Variants in DGKB observed in about 807,000 individuals in gnomAD.
DGKB encodes the protein diacylglycerol kinase beta, also known as 90 kDa diacylglycerol kinase.
Under a neutral mutation model 114.3 loss-of-function variants are expected in DGKB, and 67 were observed. The ratio of observed to expected loss-of-function variants is 0.59; its 90% CI spans 0.48 to 0.72. The LOEUF is 0.72. Among genes scored for constraint, DGKB ranks in the 30% least tolerant of loss-of-function variants. The pLI, the probability that DGKB is intolerant of heterozygous loss-of-function variation, is 0.00. For missense variants in DGKB, 907 were observed against 975.2 expected, an observed-to-expected ratio of 0.93 and a Z score of 0.93; for synonymous variants, 398 against 323.1, an observed-to-expected ratio of 1.23 and a Z score of -2.49.
chr7:14,325,975 A>T (rs1808636154), intron 23 of DGKB, among the ~76,000 whole-genome samples: 1 of 152,158 alleles, frequency 6.6e-6, no homozygotes, highest in Non-Finnish European at 1.5e-5. Flanking sequence ...AGCTGTAAAA[A>T]TCACACAAGG....
At chr7:14,170,145 A>AAAAAAAAGAAAG (rs1369239302) in intron 25 of DGKB, among the ~76,000 whole-genome samples, 16 of 99,996 alleles carry the variant, frequency 1.6e-4, no homozygotes, top group Middle Eastern at 5.5e-3. Context: ...AAAAAAAAAA[A>AAAAAAAAGAAAG]AAAGAAAGAA....
chr7:14,746,027 T>G lies in DGKB; in HGVS notation c.168+7901A>C, dbSNP rs539967889. On this transcript the variant is annotated intron_variant, in intron 4 of 25. Transcript: ENST00000402815. ...TTTTCTGACAGCTCTAAGCCTTAAT[T>G]CCCTCTATATAAAGTGGTATATGAA... Among the ~76,000 whole-genome samples the G allele has an allele frequency of 5.3e-5, 8 of 152,306 alleles. No homozygotes were observed. The East Asian group carries it at 1.5e-3, about 29-fold the overall frequency.
chr7:14,635,568 A>G (rs2128861246), intron 13 of DGKB, among the ~76,000 whole-genome samples: 1 of 151,754 alleles, frequency 6.6e-6, no homozygotes, highest in Non-Finnish European at 1.5e-5. Context: ...TAGAGCACCC[A>G]TCTTCAAAAC....
At chr7:14,908,084 A>C (rs1009264625), upstream of DGKB, among the ~76,000 whole-genome samples, 13 of 152,224 alleles carry the variant, frequency 8.5e-5, no homozygotes, top group African/African-American at 3.1e-4. Context: ...ATGTGGAGTA[A>C]ACTATAATTG....
intron 2 of DGKB, among the ~76,000 whole-genome samples, chr7:14,807,986 A>G (rs1842970232): frequency 6.6e-6 from 1 of 152,030 alleles, no homozygotes; most frequent in South Asian, 2.1e-4. Context: ...CTAGGAATAG[A>G]GATGTTCTCT....
rs753970708 is a variant in DGKB, at chr7:14,574,322, T to C, written c.1660A>G (p.Thr554Ala). Reference sequence around the variant, plus strand: ...TTCCACCTGTCCAACATGATTTCTGTGCTGTTTTCAATGTCTTTTAGAATT... The same window carrying C: ...TTCCACCTGTCCAACATGATTTCTGCGCTGTTTTCAATGTCTTTTAGAATT... ...MKILKDIENS[T>A]EIMLDRWKFE... is the part of the protein sequence containing the mutation. The change falls in exon 20 of 26, where the codon ACA becomes GCA. Residue 554 changes from threonine to alanine, a missense_variant. By Grantham distance (58) the Thr-to-Ala change is moderately conservative (BLOSUM62 0). Transcript: ENST00000402815. 3.7e-6 allele frequency: 6 copies of C among 1,613,428 alleles called. No homozygotes were observed. In the South Asian group the frequency reaches 4.4e-5, roughly 12 times the overall value.
chr7:14,703,812 T>A (rs1825649746), intron 6 of DGKB, among the ~76,000 whole-genome samples: 1 of 152,190 alleles, frequency 6.6e-6, no homozygotes, highest in Non-Finnish European at 1.5e-5. Flanking sequence ...AAATATCGCT[T>A]AAAAATAATA....
intron 23 of DGKB, among the ~76,000 whole-genome samples, chr7:14,188,593 G>C (rs1188213088): frequency 8.5e-6 from 1 of 117,954 alleles, no homozygotes; most frequent in African/African-American, 3.1e-5. Flanking sequence ...CCGGGAGGCG[G>C]AGCTTGCAGT....
intron 21 of DGKB, among the ~76,000 whole-genome samples, chr7:14,404,018 G>GAA (rs1823552605): frequency 6.6e-6 from 1 of 151,746 alleles, no homozygotes; most frequent in African/African-American, 2.4e-5. Context: ...GTTCTTTGAG[G>GAA]AAAGTAGTCT....
chr7:14,231,082 C>CGTTT (rs1791668832), intron 23 of DGKB, among the ~76,000 whole-genome samples: 1 of 121,764 alleles, frequency 8.2e-6, no homozygotes, highest in Non-Finnish European at 1.8e-5. Context: ...TTCTTCTTTC[C>CGTTT]CTTTCTTTCT....
In DGKB at chr7:14,149,141, C is replaced by T; in HGVS notation, c.2402G>A (p.Ser801Asn). Residue 801 changes from serine (S) to asparagine (N), a missense_variant, in exon 26 of 26, where the codon AGC becomes AAC. Physicochemically the swap from Ser to Asn is conservative, Grantham distance 46 (BLOSUM62 1). This residue lies in a region of DGKB where 58 missense variants were observed against 52.5 expected (regional missense o/e 1.10). Transcript: ENST00000402815. ...CSLVKRTRNR[S>N]KE is the part of the protein sequence containing the mutation. ...TGAAACAACACAGGATTATTCCTTG[C>T]TTCGGTTTCTTGTCCTTTTGACGAG... 1 of 1,613,288 alleles carries T rather than the reference C, an allele frequency of 6.2e-7. No individual in the cohort carries two copies. Among genetic ancestry groups the T allele is most frequent in the Non-Finnish European group, 8.5e-7 (1 of 1,179,354 alleles).
At chr7:14,715,708 T>C (rs191026557) in intron 6 of DGKB, among the ~76,000 whole-genome samples, 83 of 152,292 alleles carry the variant, frequency 5.5e-4, no homozygotes, top group Non-Finnish European at 8.8e-4. Context: ...TGCTAGATAC[T>C]GGGAAACTGT....
chr7:14,610,407 G>GA (rs1563670816), intron 16 of DGKB, among the ~76,000 whole-genome samples: 1 of 151,912 alleles, frequency 6.6e-6, no homozygotes, highest in Non-Finnish European at 1.5e-5. Flanking sequence ...AGGAAGATAT[G>GA]AAAAAAACTA....
chr7:14,187,423 T>G (rs1783606205), intron 23 of DGKB, among the ~76,000 whole-genome samples: 1 of 152,186 alleles, frequency 6.6e-6, no homozygotes, highest in African/African-American at 2.4e-5. Context: ...ATTGCAGGAA[T>G]GCCTGGCACC....
At chr7:14,878,879 G>C (rs933482087) in intron 1 of DGKB, among the ~76,000 whole-genome samples, 5 of 148,256 alleles carry the variant, frequency 3.4e-5, no homozygotes, top group African/African-American at 1.3e-4. Context: ...TGCAAATCTT[G>C]CATATGTTTT....
intron 10 of DGKB, among the ~76,000 whole-genome samples, chr7:14,684,593 G>A (rs1004144839): frequency 5.9e-5 from 9 of 152,028 alleles, no homozygotes; most frequent in Admixed American, 1.3e-4. Flanking sequence ...CATTCTAATT[G>A]GCAGACCTGA....
chr7:14,662,835 A>G (rs995292496), intron 13 of DGKB, among the ~76,000 whole-genome samples: 1 of 151,888 alleles, frequency 6.6e-6, no homozygotes, highest in African/African-American at 2.4e-5. Context: ...TAACTGTATC[A>G]CAGGTTTTTA....
chr7:14,169,737 T>TG (rs1562521155), intron 25 of DGKB, among the ~76,000 whole-genome samples: 1 of 152,092 alleles, frequency 6.6e-6, no homozygotes, highest in Non-Finnish European at 1.5e-5. Context: ...TTGGCTGCAG[T>TG]GGGAAGCAAA....
chr7:14,898,383 C>A (rs1010503288), intron 1 of DGKB, among the ~76,000 whole-genome samples: 1 of 152,004 alleles, frequency 6.6e-6, no homozygotes, highest in Non-Finnish European at 1.5e-5. Context: ...TGGGTTCAAA[C>A]CCCGGCTCTA....
Sources: allele counts gnomAD v4.1 joint callset (sites outside exome capture counted in the v4.1 genomes callset), GRCh38; gene constraint gnomAD v4.1.1; regional missense constraint gnomAD v4.1.1; transcripts MANE v1.5; gene names NCBI Gene and HGNC (gene_info 2026-07-23, HGNC 2026-07-21).